Variants in NAV3 observed in about 807,000 individuals in gnomAD.
NAV3 encodes the protein neuron navigator 3.
A neutral mutation model predicts 244.7 loss-of-function variants in NAV3; 87 were observed. The observed-to-expected ratio is 0.36, with a 90% CI of 0.30 to 0.42. The LOEUF (loss-of-function observed/expected upper bound fraction) is 0.42. Ranked by LOEUF, NAV3 falls within the 20% of genes least tolerant of loss-of-function variation. NAV3 has a pLI of 1.00. For synonymous variants in NAV3, 1,126 were observed against 1,042.2 expected (o/e 1.08, Z -1.55); for missense variants, 2,663 against 2,893.3 (o/e 0.92, Z 1.83).
At chr12:78,177,956 C>T (rs1289388579) in intron 28 of NAV3, among the ~76,000 whole-genome samples, 1 of 151,782 alleles carries the variant, frequency 6.6e-6, no homozygotes, top group Non-Finnish European at 1.5e-5. Flanking sequence ...CTTTCCAAGA[C>T]CCCCAGTGGA....
chr12:78,170,685 A>G (rs2139582982), intron 24 of NAV3, among the ~76,000 whole-genome samples: 1 of 151,940 alleles, frequency 6.6e-6, no homozygotes, highest in East Asian at 1.9e-4. Flanking sequence ...GTTGCATTGC[A>G]TATTCCATAT....
At chr12:77,613,764 T>C (rs1871027902) in intron 2 of NAV3, among the ~76,000 whole-genome samples, 1 of 152,192 alleles carries the variant, frequency 6.6e-6, no homozygotes, top group South Asian at 2.1e-4. Context: ...TTTGGCAATT[T>C]ACTGAAGTTT....
At chr12:78,062,578 C>T (rs546903542) in intron 12 of NAV3, among the ~76,000 whole-genome samples, 5 of 152,160 alleles carry the variant, frequency 3.3e-5, no homozygotes, top group Admixed American at 6.6e-5. Flanking sequence ...TTTTTTATCA[C>T]TGATTCCCTC....
chr12:77,588,361 A>G (rs996205512), intron 2 of NAV3, among the ~76,000 whole-genome samples: 2 of 151,962 alleles, frequency 1.3e-5, no homozygotes, highest in Admixed American at 6.6e-5. Context: ...TCAAGTGATC[A>G]TCCTGCCTTG....
At chr12:78,121,455 A>G (rs1955664661) in intron 15 of NAV3, among the ~76,000 whole-genome samples, 1 of 151,828 alleles carries the variant, frequency 6.6e-6, no homozygotes, top group African/African-American at 2.4e-5. Flanking sequence ...ACTCAACACA[A>G]CTCCCTAAAC....
intron 2 of NAV3, among the ~76,000 whole-genome samples, chr12:77,713,366 T>A (rs997202003): frequency 2.6e-5 from 4 of 152,212 alleles, no homozygotes; most frequent in African/African-American, 9.6e-5. Context: ...ACCTACATAT[T>A]GCCTTATTAA....
rs569457132 is a variant in NAV3 at position 77,619,660 on chromosome 12, G to C, written c.72+47394G>C. Among the ~76,000 whole-genome samples the C allele has an allele frequency of 1.9e-4, 29 of 152,194 alleles. No homozygotes were observed. In the South Asian group the frequency reaches 5.6e-3, roughly 29 times the overall value. Reference sequence around the variant, plus strand: ...TTTTTGGACTATTGAAGGGATAAATGCCTTTGCTATCACAGGGGACACGTG... The same window carrying C: ...TTTTTGGACTATTGAAGGGATAAATCCCTTTGCTATCACAGGGGACACGTG... On this transcript the variant is annotated intron_variant, in intron 2 of 8. Coordinates refer to the NAV3 transcript ENST00000550042.
intron 9 of NAV3, chr12:78,037,464 G>A: frequency 3.3e-6 from 2 of 608,468 alleles, no homozygotes; most frequent in Admixed American, 5.5e-5. Flanking sequence ...ATTTGCATTT[G>A]CCAAATAGCT....
At chr12:77,756,622 G>C (rs541321307) in intron 2 of NAV3, among the ~76,000 whole-genome samples, 45 of 152,228 alleles carry the variant, frequency 3.0e-4, no homozygotes, top group Middle Eastern at 3.4e-3. Context: ...GTTATAGAAA[G>C]ATTATTAGTT....
At chr12:77,876,470 A>T (rs1881863861) in intron 1 of NAV3, among the ~76,000 whole-genome samples, 1 of 152,086 alleles carries the variant, frequency 6.6e-6, no homozygotes, top group Admixed American at 6.6e-5. Context: ...TTCCTAACTG[A>T]TTTAAAAATA....
At chr12:77,642,618 A>T (rs1872462523) in intron 2 of NAV3, among the ~76,000 whole-genome samples, 1 of 152,118 alleles carries the variant, frequency 6.6e-6, no homozygotes, top group Non-Finnish European at 1.5e-5. Flanking sequence ...AATAGATTGA[A>T]TTACATGACC....
chr12:77,975,429 T>G (rs1868304061), intron 5 of NAV3, among the ~76,000 whole-genome samples: 1 of 152,220 alleles, frequency 6.6e-6, no homozygotes, highest in Admixed American at 6.5e-5. Context: ...ACCAGTAATT[T>G]GACAGCTGAT....
rs1566123706 is a variant in NAV3 at position 78,095,075 on chromosome 12, A to ATATATATATATG, written c.2637-21697_2637-21696insTATATATATATG. ...TATATATATATATATACACACACACACACACACACACACATATATATATAC... is the reference window on the plus strand; with the variant it reads ...TATATATATATATATACACACACACATATATATATATGCACACACACACACATATATATATAC... On this transcript the variant is annotated intron_variant, in intron 12 of 39. Coordinates refer to ENST00000397909, the MANE Select transcript of NAV3 (RefSeq NM_001024383.2). Among the ~76,000 whole-genome samples the ATATATATATATG allele has an allele frequency of 9.7e-4, 142 of 146,950 alleles. 1 individual carries two copies. Among genetic ancestry groups the ATATATATATATG allele is most frequent in the East Asian group, 2.4e-3 (12 of 5,072 alleles).
At chr12:78,002,498 A>T (rs1340981831) in intron 7 of NAV3, among the ~76,000 whole-genome samples, 2 of 152,198 alleles carry the variant, frequency 1.3e-5, no homozygotes, top group East Asian at 3.8e-4. Context: ...TTAATTCAAC[A>T]TTATACAGGT....
intron 14 of NAV3, 98 bp downstream of exon 14, chr12:78,118,395 A>G: frequency 1.4e-6 from 2 of 1,431,610 alleles, no homozygotes; most frequent in Non-Finnish European, 1.9e-6. Flanking sequence ...CTAAAATACC[A>G]AATTCTTATC....
rs553006441 is a variant in NAV3, at chr12:77,900,353, G to A, written c.244-39966G>A. 8.5e-4 allele frequency among the ~76,000 whole-genome samples: 130 copies of A among 152,208 alleles called. 1 individual carries two copies. The highest frequency in any genetic ancestry group is 6.8e-3 in the Middle Eastern group (2 of 294). ...GGCCTCCCAAAGTGCTGGGATTACTGGCATGAGCTACCACACCTGGCCTGT... is the reference window on the plus strand; with the variant it reads ...GGCCTCCCAAAGTGCTGGGATTACTAGCATGAGCTACCACACCTGGCCTGT... On this transcript the variant is annotated intron_variant, in intron 1 of 39. Coordinates refer to ENST00000397909, the MANE Select transcript of NAV3 (RefSeq NM_001024383.2).
intron 2 of NAV3, among the ~76,000 whole-genome samples, chr12:77,652,890 C>T (rs1023452545): frequency 1.4e-4 from 21 of 152,166 alleles, no homozygotes; most frequent in Admixed American, 7.2e-4. Flanking sequence ...GAAAGCAATG[C>T]TAGATATGTC....
rs771531149 is a variant in NAV3, at chr12:78,006,902, A to T, written c.1364A>T (p.Asn455Ile). Residue 455 changes from asparagine (N) to isoleucine (I), a missense_variant, in exon 8 of 40, where the codon AAT becomes ATT. Around this residue, in one of 6 missense-constraint regions of NAV3, gnomAD observed 1,521 missense variants for 1,497.0 expected, o/e 1.02. Transcript: ENST00000397909. The stretch of plus-strand genomic sequence containing the variant: ...GCCCCTCCAAAAGCTGGAAGCAAAA[A>T]TCTCAGCAATAAAAAGTCTTTGCTA... ...KLAPPKAGSK[N>I]LSNKKSLLQP... 8 of 1,614,038 alleles carry T rather than the reference A, an allele frequency of 5.0e-6. No homozygotes were observed. The highest frequency in any genetic ancestry group is 6.8e-6 in the Non-Finnish European group (8 of 1,180,044).
intron 7 of NAV3, among the ~76,000 whole-genome samples, chr12:77,999,518 A>C (rs1173239576): frequency 6.6e-6 from 1 of 152,190 alleles, no homozygotes; most frequent in Non-Finnish European, 1.5e-5. Flanking sequence ...GACAGATGTG[A>C]TCTAGAAGCA....
Sources: allele counts gnomAD v4.1 joint callset (sites outside exome capture counted in the v4.1 genomes callset), GRCh38; gene constraint gnomAD v4.1.1; regional missense constraint gnomAD v4.1.1; transcripts MANE v1.5; gene names NCBI Gene and HGNC (gene_info 2026-07-23, HGNC 2026-07-21).